Variants in CAMK2D observed in about 807,000 individuals in gnomAD.
CAMK2D encodes the protein calcium/calmodulin dependent protein kinase II delta.
In CAMK2D, 37 loss-of-function variants were observed where a neutral mutation model predicts 84.0. That is an observed-to-expected ratio of 0.44 (90% confidence interval 0.34 to 0.58). The LOEUF (loss-of-function observed/expected upper bound fraction) is 0.58, where lower values mean the gene tolerates loss of function less well. CAMK2D is among the 20% of genes least tolerant of loss of function. CAMK2D has a pLI of 0.02. For synonymous variants in CAMK2D, 202 were observed against 212.5 expected (o/e 0.95, Z 0.43); for missense variants, 448 against 652.5 (o/e 0.69, Z 3.41).
chr4:113,656,243 G>T (rs2099199570), intron 3 of CAMK2D, among the ~76,000 whole-genome samples: 1 of 152,078 alleles, frequency 6.6e-6, no homozygotes, highest in Non-Finnish European at 1.5e-5. Flanking sequence ...AACAAAAATT[G>T]CCTGGCTAGA....
intron 4 of CAMK2D, among the ~76,000 whole-genome samples, chr4:113,600,583 T>C (rs752319490): frequency 1.3e-5 from 2 of 152,294 alleles, no homozygotes; most frequent in South Asian, 2.1e-4. Flanking sequence ...TGGGAGGTGA[T>C]ATAACACCAA....
chr4:113,688,908 T>A (rs916203986), intron 2 of CAMK2D, among the ~76,000 whole-genome samples: 2 of 26,888 alleles, frequency 7.4e-5, no homozygotes, highest in African/African-American at 1.8e-4. Flanking sequence ...ACAAAGAAGA[T>A]GCAAAAAAAA....
intron 2 of CAMK2D, among the ~76,000 whole-genome samples, chr4:113,704,495 C>T (rs767841123): frequency 3.3e-5 from 5 of 152,058 alleles, no homozygotes; most frequent in Non-Finnish European, 7.4e-5. Flanking sequence ...ACTAGAAACA[C>T]GTATATTGTA....
intron 4 of CAMK2D, among the ~76,000 whole-genome samples, chr4:113,592,485 C>T (rs766909554): frequency 2.0e-5 from 3 of 152,244 alleles, no homozygotes; most frequent in Middle Eastern, 3.4e-3. Context: ...TAAGAAGGCA[C>T]CAATTTAATA....
At chr4:113,748,965 A>G (rs1014936168) in intron 2 of CAMK2D, among the ~76,000 whole-genome samples, 5 of 151,938 alleles carry the variant, frequency 3.3e-5, no homozygotes, top group Non-Finnish European at 7.4e-5. Flanking sequence ...TAAAGCATAT[A>G]AAATTCACTT....
At chr4:113,557,452 G>C (rs139336480) in intron 4 of CAMK2D, among the ~76,000 whole-genome samples, 59 of 152,270 alleles carry the variant, frequency 3.9e-4, no homozygotes, top group African/African-American at 1.4e-3. Flanking sequence ...TCCTGCCCTA[G>C]GGCCTTTTCA....
chr4:113,566,076 A>G (rs2098722425), intron 4 of CAMK2D, among the ~76,000 whole-genome samples: 1 of 152,112 alleles, frequency 6.6e-6, no homozygotes, highest in Non-Finnish European at 1.5e-5. Context: ...GTTGCCACTA[A>G]GAATAGGAGA....
At chr4:113,548,637 T>G in intron 5 of CAMK2D, 2 of 1,263,384 alleles carry the variant, frequency 1.6e-6, no homozygotes, top group Non-Finnish European at 2.3e-6. Flanking sequence ...GATTCAGATT[T>G]ATGGACTCCA....
chr4:113,500,442 CCATTTCTGGTTAAAT>C lies in CAMK2D; in HGVS notation c.1135+6_1135+20del. 6.6e-7 allele frequency: 1 copy of C among 1,509,794 alleles called. No homozygotes were observed. The highest frequency in any genetic ancestry group is 1.2e-5 in the South Asian group (1 of 85,784). The allele number at this position is 1,509,794 out of a possible 1,614,324, so 93.5% of individuals were successfully genotyped here. On this transcript the variant is annotated splice_donor_region_variant and intron_variant, in intron 16 of 20. Transcript: ENST00000511664. ...ATGTGAAGCTCTGAGGTAGGATTTT[CCATTTCTGGTTAAAT>C]CATACCTTTCACATCTTCATCCTCA...
At chr4:113,526,905 C>CT (rs34934229) in intron 8 of CAMK2D, among the ~76,000 whole-genome samples, 161 of 137,050 alleles carry the variant, frequency 1.2e-3, no homozygotes, top group Middle Eastern at 7.6e-3. Context: ...TTTTACTGTG[C>CT]TTTTTTTTTT....
intron 4 of CAMK2D, among the ~76,000 whole-genome samples, chr4:113,599,033 G>A (rs1377623191): frequency 1.3e-5 from 2 of 152,146 alleles, no homozygotes; most frequent in Non-Finnish European, 2.9e-5. Context: ...ATAGAAGAAT[G>A]CAGATGGTAA....
At chr4:113,663,896 C>T (rs2099247376) in intron 2 of CAMK2D, among the ~76,000 whole-genome samples, 1 of 152,058 alleles carries the variant, frequency 6.6e-6, no homozygotes, top group Admixed American at 6.5e-5. Context: ...TGAAGCCATC[C>T]TAATCTCCAG....
intron 2 of CAMK2D, among the ~76,000 whole-genome samples, chr4:113,666,696 C>A (rs751029858): frequency 4.6e-5 from 7 of 152,138 alleles, no homozygotes; most frequent in South Asian, 2.1e-4. Flanking sequence ...TTCTTCTACT[C>A]CCCTTCCCCA....
intron 3 of CAMK2D, among the ~76,000 whole-genome samples, chr4:113,644,127 G>A (rs981745944): frequency 2.6e-5 from 4 of 152,122 alleles, no homozygotes; most frequent in South Asian, 2.1e-4. Context: ...TTCATAAGAC[G>A]TGCAGACCCT....
chr4:113,620,658 C>A (rs1216476915), intron 3 of CAMK2D, among the ~76,000 whole-genome samples: 1 of 151,906 alleles, frequency 6.6e-6, no homozygotes, highest in East Asian at 1.9e-4. Context: ...CAGGCGTGCA[C>A]CTACATGCCC....
intron 4 of CAMK2D, among the ~76,000 whole-genome samples, chr4:113,601,238 A>G (rs1435499562): frequency 6.6e-6 from 1 of 152,176 alleles, no homozygotes; most frequent in African/African-American, 2.4e-5. Context: ...CATAATAGAG[A>G]GAAGTTAATC....
intron 3 of CAMK2D, among the ~76,000 whole-genome samples, chr4:113,638,857 G>A (rs1211890207): frequency 1.3e-5 from 2 of 152,116 alleles, no homozygotes; most frequent in African/African-American, 4.8e-5. Context: ...GAATTTAAAA[G>A]TTTATTTAAA....
chr4:113,725,332 G>C (rs965707569), intron 2 of CAMK2D, among the ~76,000 whole-genome samples: 4 of 152,052 alleles, frequency 2.6e-5, no homozygotes, highest in Non-Finnish European at 5.9e-5. Context: ...TATTTTTGCA[G>C]AGTGGAAACA....
chr4:113,470,728 A>AT (rs544132154), intron 16 of CAMK2D, among the ~76,000 whole-genome samples: 233 of 152,062 alleles, frequency 1.5e-3, no homozygotes, highest in African/African-American at 5.2e-3. Flanking sequence ...CTGGCACCTG[A>AT]TTTTTAAAAG....
Sources: allele counts gnomAD v4.1 joint callset (sites outside exome capture counted in the v4.1 genomes callset), GRCh38; gene constraint gnomAD v4.1.1; transcripts MANE v1.5; gene names NCBI Gene and HGNC (gene_info 2026-07-23, HGNC 2026-07-21).